KIF26A: variants seen among roughly 807,000 people sequenced by gnomAD.
KIF26A encodes the protein kinesin family member 26A, also known as kinesin-like protein KIF26A.
Under a neutral mutation model 126.0 loss-of-function variants are expected in KIF26A, and 74 were observed. The ratio of observed to expected loss-of-function variants is 0.59; its 90% confidence interval spans 0.49 to 0.71. The LOEUF (loss-of-function observed/expected upper bound fraction) is 0.71. Among genes scored for constraint, KIF26A ranks in the 30% least tolerant of loss-of-function variants. KIF26A has a pLI of 0.00. For missense variants in KIF26A, 2,984 were observed against 2,763.3 expected, an observed-to-expected ratio of 1.08 and a Z score of -1.79; for synonymous variants, 1,445 against 1,232.7, an observed-to-expected ratio of 1.17 and a Z score of -3.61.
chr14:104,168,476 C>A (rs1261667534), intron 5 of KIF26A, among the ~76,000 whole-genome samples: 2 of 152,220 alleles, frequency 1.3e-5, no homozygotes, highest in Non-Finnish European at 2.9e-5. Context: ...CTGGGGCGGC[C>A]TGTGGGGCAG....
Position 104,148,852 on chromosome 14 carries a change from C to G in KIF26A, c.289-3163C>G, listed in dbSNP as rs2037702778. ...CAGCAGCGGCCTCCCTGAGCCCCTCCCTGGAGCCCTGAGTGCTGGTCCCGT... is the reference window on the plus strand; with the variant it reads ...CAGCAGCGGCCTCCCTGAGCCCCTCGCTGGAGCCCTGAGTGCTGGTCCCGT... On this transcript the variant is annotated intron_variant, in intron 2 of 14. Transcript: ENST00000423312. This position sits in a 1 kb window ranked among gnomAD's most constrained non-coding sequence, Gnocchi z 4.3. 6.6e-6 allele frequency among the ~76,000 whole-genome samples: 1 copy of G among 152,152 alleles called. No individual in the cohort carries two copies. Among genetic ancestry groups the G allele is most frequent in the Admixed American group, 6.5e-5 (1 of 15,286 alleles).
Position 104,145,208 on chromosome 14 carries a change from G to A in KIF26A, c.288+5920G>A, listed in dbSNP as rs964378305. On this transcript the variant is annotated intron_variant, in intron 2 of 14. Coordinates refer to ENST00000423312, the MANE Select transcript of KIF26A (RefSeq NM_015656.2). ...CTGCGTCGTCACTGTTGCTTCTTCC[G>A]GCGCTCAGGGTCACTTTTCCTTCCA... Among the ~76,000 whole-genome samples the A allele has an allele frequency of 7.9e-5, 12 of 152,338 alleles. No individual in the cohort carries two copies. The South Asian group carries it at 1.9e-3, about 24-fold the overall frequency.
intron 11 of KIF26A, among the ~76,000 whole-genome samples, chr14:104,174,606 G>C (rs1346077618): frequency 6.6e-6 from 1 of 151,906 alleles, no homozygotes; most frequent in South Asian, 2.1e-4. Context: ...CAGGAGAGCC[G>C]CACCACCTCT....
intron 6 of KIF26A, 129 bp downstream of exon 6, chr14:104,172,064 C>G (rs2141114207): frequency 1.2e-6 from 1 of 862,030 alleles, no homozygotes; most frequent in East Asian, 2.7e-5. Context: ...GGCCCGCTGC[C>G]TGCGGCGCCT....
intron 2 of KIF26A, among the ~76,000 whole-genome samples, chr14:104,145,410 GC>G (rs951529620): frequency 2.6e-5 from 4 of 151,772 alleles, no homozygotes; most frequent in African/African-American, 9.7e-5. Context: ...AGCATCCCAG[GC>G]CTCAGCTGTA....
intron 3 of KIF26A, among the ~76,000 whole-genome samples, chr14:104,155,484 C>T (rs1259906004): frequency 1.9e-5 from 2 of 104,076 alleles, no homozygotes; most frequent in African/African-American, 2.8e-5. Flanking sequence ...TCCTGCCTTT[C>T]CTTCCGTTTG....
At chr14:104,141,077 G>C (rs2037633280) in intron 2 of KIF26A, among the ~76,000 whole-genome samples, 1 of 152,202 alleles carries the variant, frequency 6.6e-6, no homozygotes, top group African/African-American at 2.4e-5. Flanking sequence ...CCTGTCCCCT[G>C]TGCGGGCCTG....
rs369739638 is a variant in KIF26A, at chr14:104,174,044, C to T, written c.2031-104C>T. On this transcript the variant is annotated intron_variant, in intron 10 of 14. Coordinates refer to ENST00000423312, the MANE Select transcript of KIF26A (RefSeq NM_015656.2). Reference sequence around the variant, plus strand: ...CTGGGGCCCCACGCTGGGCTGGTGCCGGAGCTGGGTGGGAACCAGACTGAT... The same window carrying T: ...CTGGGGCCCCACGCTGGGCTGGTGCTGGAGCTGGGTGGGAACCAGACTGAT... The T allele has an allele frequency of 2.3e-3, 3,301 of 1,412,864 alleles. 5 individuals carry two copies. The highest frequency in any genetic ancestry group is 2.9e-3 in the Non-Finnish European group (3,125 of 1,066,164). The allele number at this position is 1,412,864 out of a possible 1,614,324, so 87.5% of individuals were successfully genotyped here.
rs1208148329 is a variant in KIF26A, at chr14:104,180,416, C to T, written c.*626C>T. 1 of 152,086 alleles carries T rather than the reference C, an allele frequency of 6.6e-6. No homozygotes were observed. The highest frequency in any genetic ancestry group is 1.5e-5 in the Non-Finnish European group (1 of 68,026). The allele number at this position is 152,086 out of a possible 1,614,324, so 9.4% of individuals were successfully genotyped here. A position where few individuals can be genotyped will look rare whatever the true frequency, so the allele number is the denominator to read the frequency against. On this transcript the variant is annotated 3_prime_UTR_variant, in exon 15 of 15. Transcript: ENST00000423312. ...GAGGGCAGCTAACAAGGGCTGAGCC[C>T]CAGGTACAGGTTGCCTCTTCCACGG...
chr14:104,141,190 G>C (rs2037634184), intron 2 of KIF26A, among the ~76,000 whole-genome samples: 1 of 152,202 alleles, frequency 6.6e-6, no homozygotes, highest in Admixed American at 6.5e-5. Context: ...GGTTGGGAGG[G>C]AAATCTCTGG....
rs976372227 is a variant in KIF26A at position 104,180,138 on chromosome 14, G to A, written c.*348G>A. Reference sequence around the variant, plus strand: ...TGCGCCTGTCCGGGCCGGGGCTGGCGCCGGTTGTGTTTGTGTCCACCTTGC... The same window carrying A: ...TGCGCCTGTCCGGGCCGGGGCTGGCACCGGTTGTGTTTGTGTCCACCTTGC... On this transcript the variant is annotated 3_prime_UTR_variant, in exon 15 of 15. Coordinates refer to ENST00000423312, the MANE Select transcript of KIF26A (RefSeq NM_015656.2). 3.0e-5 allele frequency: 7 copies of A among 231,992 alleles called. No homozygotes were observed. Among genetic ancestry groups the A allele is most frequent in the Admixed American group, 1.6e-4 (3 of 18,454 alleles). 14.4% of individuals were successfully genotyped at this position (231,992 alleles called of 1,614,324 possible).
At chr14:104,166,764 A>C in intron 4 of KIF26A, 95 bp from the exon 5 acceptor site, 1 of 1,179,646 alleles carries the variant, frequency 8.5e-7, no homozygotes, top group Non-Finnish European at 1.2e-6. Flanking sequence ...TGGCTGATGA[A>C]GTCCCAGGGT....
At chr14:104,161,120 A>G (rs1009973872) in intron 4 of KIF26A, among the ~76,000 whole-genome samples, 2 of 152,212 alleles carry the variant, frequency 1.3e-5, no homozygotes, top group Non-Finnish European at 2.9e-5. Context: ...AAAATCCAGG[A>G]CACAGGAAGT....
rs1428282877 is a variant in KIF26A at position 104,178,662 on chromosome 14, C to T, written c.5223C>T (p.Ser1741=). The change falls in exon 13 of 15, where the codon TCC becomes TCT. Residue 1741 remains serine, a synonymous_variant. Coordinates refer to ENST00000423312, the MANE Select transcript of KIF26A (RefSeq NM_015656.2). ...WVDLPPPLAG[S]LKEPFEIKVY... Reference sequence around the variant, plus strand: ...ACCTGCCCCCGCCCCTGGCTGGCTCCCTGAAGGAGCCGTTCGAGATCAAGG... The same window carrying T: ...ACCTGCCCCCGCCCCTGGCTGGCTCTCTGAAGGAGCCGTTCGAGATCAAGG... 6.4e-7 allele frequency: 1 copy of T among 1,557,980 alleles called. No homozygotes were observed. The highest frequency in any genetic ancestry group is 8.7e-7 in the Non-Finnish European group (1 of 1,151,726).
intron 2 of KIF26A, among the ~76,000 whole-genome samples, chr14:104,150,839 G>A (rs549770528): frequency 3.1e-4 from 47 of 152,216 alleles, no homozygotes; most frequent in Non-Finnish European, 5.3e-4. Context: ...GGTGGTGTTC[G>A]GAAAGCCCTA....
chr14:104,163,869 G>T (rs2037855318), intron 4 of KIF26A, among the ~76,000 whole-genome samples: 2 of 151,996 alleles, frequency 1.3e-5, no homozygotes, highest in Non-Finnish European at 2.9e-5. Context: ...GGCGGCGGGT[G>T]GGCTTCCCAC....
chr14:104,149,986 A>G (rs2037711646), intron 2 of KIF26A, among the ~76,000 whole-genome samples: 1 of 152,142 alleles, frequency 6.6e-6, no homozygotes, highest in Non-Finnish European at 1.5e-5. Context: ...CTGACTGGAA[A>G]ACAGGCCCTG....
In KIF26A at chr14:104,176,891, A is replaced by T; in HGVS notation, c.4103A>T (p.Lys1368Met). Residue 1368 changes from lysine (K) to methionine (M), a missense_variant, in exon 12 of 15, where the codon AAG becomes ATG. Coordinates refer to ENST00000423312, the MANE Select transcript of KIF26A (RefSeq NM_015656.2). ...GCCCCCCCGGCCCCACCCACGCGGA[A>T]GTCCAGCCTGGAGCAGAGGAGCAGC... The part of the protein sequence containing the change: ...GAAPPAPPTR[K>M]SSLEQRSSPA... 1 of 1,541,394 alleles carries T rather than the reference A, an allele frequency of 6.5e-7. No homozygotes were observed. The highest frequency in any genetic ancestry group is 8.7e-7 in the Non-Finnish European group (1 of 1,145,730).
chr14:104,138,807 C>T (rs1234574855), intron 1 of KIF26A, 43 bp downstream of exon 1: 2 of 1,257,960 alleles, frequency 1.6e-6, no homozygotes, highest in East Asian at 3.2e-5. Flanking sequence ...GCGGCGGGGG[C>T]CCGGGACGGC....
Sources: allele counts gnomAD v4.1 joint callset (sites outside exome capture counted in the v4.1 genomes callset), GRCh38; gene constraint gnomAD v4.1.1; non-coding constraint Gnocchi (gnomAD v3.1); transcripts MANE v1.5; gene names NCBI Gene and HGNC (gene_info 2026-07-23, HGNC 2026-07-21).